TMTC2: variants seen among roughly 807,000 people sequenced by gnomAD.
TMTC2 encodes protein O-mannosyl-transferase TMTC2.
Under a neutral mutation model 82.4 loss-of-function variants are expected in TMTC2, and 43 were observed. The observed-to-expected ratio is 0.52, with a 90% CI of 0.41 to 0.67. The LOEUF is 0.67. Ranked by LOEUF, TMTC2 falls within the 30% of genes least tolerant of loss-of-function variation. TMTC2 has a pLI of 0.00. For missense variants in TMTC2, 919 were observed against 1,012.4 expected, an observed-to-expected ratio of 0.91 and a Z score of 1.25; for synonymous variants, 408 against 381.9, an observed-to-expected ratio of 1.07 and a Z score of -0.80.
intron 1 of TMTC2, among the ~76,000 whole-genome samples, chr12:82,733,380 A>G (rs1874930658): frequency 6.6e-6 from 1 of 152,244 alleles, no homozygotes; most frequent in African/African-American, 2.4e-5. Flanking sequence ...AAATAAATAC[A>G]TAACATGCAC....
intron 11 of TMTC2, among the ~76,000 whole-genome samples, chr12:83,126,677 TG>T (rs548488633): frequency 6.6e-6 from 1 of 151,754 alleles, no homozygotes; most frequent in Non-Finnish European, 1.5e-5. Context: ...TGTATATGGG[TG>T]GGGGGGCAAG....
At chr12:82,757,072 C>T (rs1366287251) in intron 1 of TMTC2, among the ~76,000 whole-genome samples, 1 of 152,146 alleles carries the variant, frequency 6.6e-6, no homozygotes, top group African/African-American at 2.4e-5. Flanking sequence ...ACATGACTTT[C>T]ACTGTATACA....
chr12:82,867,640 T>A (rs1228460089), intron 2 of TMTC2, among the ~76,000 whole-genome samples: 1 of 152,188 alleles, frequency 6.6e-6, no homozygotes, highest in African/African-American at 2.4e-5. Context: ...TTTGTGTATT[T>A]AAGAACTGAA....
At chr12:82,775,573 G>A (rs1877549871) in intron 1 of TMTC2, among the ~76,000 whole-genome samples, 1 of 152,064 alleles carries the variant, frequency 6.6e-6, no homozygotes, top group Non-Finnish European at 1.5e-5. Context: ...GGCATGTAAA[G>A]TAATTAGAGC....
At chr12:82,982,812 C>T (rs887383553) in intron 7 of TMTC2, among the ~76,000 whole-genome samples, 2 of 151,950 alleles carry the variant, frequency 1.3e-5, no homozygotes, top group African/African-American at 4.8e-5. Flanking sequence ...CTAGTGAAGG[C>T]AATCAATGAG....
chr12:83,075,431 A>C (rs1339458436), intron 11 of TMTC2, among the ~76,000 whole-genome samples: 1 of 152,172 alleles, frequency 6.6e-6, no homozygotes, highest in Non-Finnish European at 1.5e-5. Context: ...TATAGTTAGC[A>C]AATGATGTGA....
At chr12:82,783,673 C>G (rs986747646) in intron 1 of TMTC2, among the ~76,000 whole-genome samples, 1 of 152,172 alleles carries the variant, frequency 6.6e-6, no homozygotes, top group Admixed American at 6.5e-5. Context: ...GTGCTTCCTA[C>G]TAAGTTGTCA....
At chr12:82,704,301 T>G (rs920759698) in intron 1 of TMTC2, among the ~76,000 whole-genome samples, 3 of 152,252 alleles carry the variant, frequency 2.0e-5, no homozygotes, top group Non-Finnish European at 4.4e-5. Context: ...TAAAAGATTT[T>G]CTGTACATCA....
At chr12:82,877,242 A>T (rs955807842) in intron 2 of TMTC2, among the ~76,000 whole-genome samples, 17 of 152,204 alleles carry the variant, frequency 1.1e-4, no homozygotes, top group African/African-American at 4.1e-4. Context: ...TAAAAATTAG[A>T]TTAAAAATAA....
At chr12:82,861,679 C>T (rs186053763) in intron 2 of TMTC2, among the ~76,000 whole-genome samples, 70 of 152,150 alleles carry the variant, frequency 4.6e-4, no homozygotes, top group Admixed American at 3.0e-3. Context: ...AACAAATGCT[C>T]GTTGAGATAA....
intron 2 of TMTC2, among the ~76,000 whole-genome samples, chr12:82,891,815 A>T (rs1873412261): frequency 1.3e-5 from 2 of 151,996 alleles, no homozygotes; most frequent in South Asian, 4.2e-4. Flanking sequence ...CACTTTAGAA[A>T]CTCTTCTACT....
intron 1 of TMTC2, among the ~76,000 whole-genome samples, chr12:82,735,494 C>T (rs1054983338): frequency 1.2e-4 from 18 of 151,742 alleles, no homozygotes; most frequent in Admixed American, 4.6e-4. Context: ...TACAGGCGCC[C>T]GCCACCACGC....
chr12:82,966,896 A>AT (rs577959128), intron 6 of TMTC2, 23 bp from the exon 7 acceptor site: 144 of 1,540,896 alleles, frequency 9.3e-5, no homozygotes, highest in African/African-American at 7.0e-4. Flanking sequence ...TGATTTATCT[A>AT]TTTTTTTTGT....
intron 1 of TMTC2, among the ~76,000 whole-genome samples, chr12:82,821,859 T>G (rs1220205620): frequency 7.0e-6 from 1 of 143,544 alleles, no homozygotes; most frequent in African/African-American, 2.6e-5. Flanking sequence ...ACACTTCAGC[T>G]GCCTGGGTGA....
intron 9 of TMTC2, among the ~76,000 whole-genome samples, chr12:83,038,684 A>AC (rs1039128396): frequency 6.6e-6 from 1 of 152,182 alleles, no homozygotes; most frequent in Non-Finnish European, 1.5e-5. Flanking sequence ...TAGGTGAAAA[A>AC]AATAAAAATT....
chr12:82,808,760 G>C (rs997686735), intron 1 of TMTC2, among the ~76,000 whole-genome samples: 7 of 151,880 alleles, frequency 4.6e-5, no homozygotes, highest in Non-Finnish European at 1.0e-4. Flanking sequence ...CCTTTTTACT[G>C]GACAGAGTTT....
intron 11 of TMTC2, among the ~76,000 whole-genome samples, chr12:83,091,940 TA>T (rs1404338766): frequency 6.6e-6 from 1 of 152,202 alleles, no homozygotes; most frequent in African/African-American, 2.4e-5. Context: ...TGGAAATAGA[TA>T]TGTGATTAGT....
chr12:82,960,899 A>C (rs1157790386), intron 4 of TMTC2, among the ~76,000 whole-genome samples: 1 of 152,004 alleles, frequency 6.6e-6, no homozygotes, highest in South Asian at 2.1e-4. Flanking sequence ...TCTGCATGTA[A>C]ACAAACTATG....
intron 8 of TMTC2, among the ~76,000 whole-genome samples, chr12:83,001,949 G>A (rs1464027206): frequency 6.6e-6 from 1 of 152,048 alleles, no homozygotes; most frequent in Non-Finnish European, 1.5e-5. Flanking sequence ...TTTCTTTTTT[G>A]TTGTGTCTCT....
Sources: gnomAD v4.1 joint callset for allele counts (sites outside exome capture counted in the v4.1 genomes callset) on GRCh38, gnomAD v4.1.1 for gene constraint, MANE v1.5 for transcripts, NCBI Gene and HGNC (gene_info 2026-07-23, HGNC 2026-07-21) for gene names.